CBL: variants seen among roughly 807,000 people sequenced by gnomAD.
CBL encodes the protein Cbl proto-oncogene.
In CBL, 45 loss-of-function variants were observed where a neutral mutation model predicts 96.9. That is an observed-to-expected ratio of 0.46 (90% CI 0.37 to 0.60). CBL has a LOEUF of 0.60. Ranked by LOEUF, CBL falls within the 20% of genes least tolerant of loss-of-function variation. CBL has a pLI of 0.00. For synonymous variants in CBL, 420 were observed against 426.8 expected (o/e 0.98, Z 0.20); for missense variants, 1,024 against 1,143.5 (o/e 0.90, Z 1.51).
chr11:119,221,469 A>G (rs980114515), intron 1 of CBL, among the ~76,000 whole-genome samples: 4 of 151,870 alleles, frequency 2.6e-5, no homozygotes, highest in Non-Finnish European at 5.9e-5. Flanking sequence ...GTTTTCGTTT[A>G]AAAAAGCTTC....
At chr11:119,284,066 C>G (rs1459247841) in intron 9 of CBL, among the ~76,000 whole-genome samples, 2 of 152,082 alleles carry the variant, frequency 1.3e-5, no homozygotes, top group South Asian at 2.1e-4. Context: ...AGAGGGATCT[C>G]ACTATGTTGA....
At chr11:119,220,121 G>A (rs148920736) in intron 1 of CBL, among the ~76,000 whole-genome samples, 7,364 of 152,120 alleles carry the variant, frequency 0.048, 592 homozygotes, top group African/African-American at 0.17. Flanking sequence ...CTCCCAAAGC[G>A]TAGGGATTAC....
rs1342253273 is a variant in CBL, at chr11:119,302,575, T to G, written c.*2794T>G. On this transcript the variant is annotated 3_prime_UTR_variant, in exon 16 of 16. Coordinates refer to ENST00000264033, the MANE Select transcript of CBL (RefSeq NM_005188.4). ...CTACTTTGTTCTCTTTTTCTCATAT[T>G]CATTGGGCTGTTGTATTCAGCCAGT... 1.7e-5 allele frequency: 4 copies of G among 232,118 alleles called. No individual in the cohort carries two copies. Among genetic ancestry groups the G allele is most frequent in the Non-Finnish European group, 1.7e-5 (2 of 117,438 alleles). 14.4% of individuals were successfully genotyped at this position (232,118 alleles called of 1,614,324 possible).
At chr11:119,248,989 T>C (rs1488527731) in intron 2 of CBL, among the ~76,000 whole-genome samples, 2 of 152,062 alleles carry the variant, frequency 1.3e-5, no homozygotes, top group African/African-American at 4.8e-5. Flanking sequence ...CATGCATTGG[T>C]GATAGGAATA....
rs1357308168 is a variant in CBL, at chr11:119,206,466, T to C, written c.49T>C (p.Ser17Pro). 2 of 1,575,840 alleles carry C rather than the reference T, an allele frequency of 1.3e-6. No homozygotes were observed. The highest frequency in any genetic ancestry group is 1.4e-5 in the African/African-American group (1 of 73,664). Residue 17 changes from serine (S) to proline (P), a missense_variant, in exon 1 of 16, where the codon TCC (serine) becomes CCC (proline). Transcript: ENST00000264033. Reference protein sequence around the residue: ...KSSGAGGGSGSGGSGSGGLIG... With the variant: ...KSSGAGGGSGPGGSGSGGLIG... ...CTCTGGGGCCGGGGGCGGCAGCGGC[T>C]CCGGGGGCTCGGGTTCGGGTGGCCT...
intron 1 of CBL, among the ~76,000 whole-genome samples, chr11:119,226,029 T>C (rs1190986553): frequency 2.0e-5 from 3 of 152,166 alleles, no homozygotes; most frequent in Admixed American, 2.0e-4. Flanking sequence ...GCATCTGGCC[T>C]AAATATTTTC....
At chr11:119,275,600 A>G (rs1592399427) in intron 5 of CBL, among the ~76,000 whole-genome samples, 1 of 152,234 alleles carries the variant, frequency 6.6e-6, no homozygotes, top group African/African-American at 2.4e-5. Flanking sequence ...GTGGTGGCTC[A>G]CACCTGTAAT....
At chr11:119,252,579 G>GCACTGGCCCA (rs1387401149) in intron 2 of CBL, among the ~76,000 whole-genome samples, 1 of 152,164 alleles carries the variant, frequency 6.6e-6, no homozygotes, top group Non-Finnish European at 1.5e-5. Context: ...ATTGAGGCCA[G>GCACTGGCCCA]GTGCGGTGGC....
At chr11:119,264,776 C>A (rs1000052239) in intron 2 of CBL, among the ~76,000 whole-genome samples, 13 of 152,202 alleles carry the variant, frequency 8.5e-5, no homozygotes, top group African/African-American at 3.1e-4. Context: ...AGGCACCATG[C>A]CCAACCTATA....
intron 11 of CBL, among the ~76,000 whole-genome samples, chr11:119,287,211 TTGTTAAG>T (rs1210144237): frequency 1.3e-5 from 2 of 152,214 alleles, no homozygotes; most frequent in East Asian, 3.8e-4. Context: ...AAATAAAGAC[TTGTTAAG>T]GCTTGAAAAG....
chr11:119,251,359 A>T (rs1949668613), intron 2 of CBL, among the ~76,000 whole-genome samples: 1 of 152,180 alleles, frequency 6.6e-6, no homozygotes, highest in Non-Finnish European at 1.5e-5. Flanking sequence ...GAAACACACA[A>T]TGGTTCAACC....
rs115291226 is a variant in CBL, at chr11:119,207,127, C to G, written c.195+515C>G. Among the ~76,000 whole-genome samples the G allele has an allele frequency of 5.8e-3, 875 of 152,138 alleles. 8 individuals carry two copies. The highest frequency in any genetic ancestry group is 0.02 in the African/African-American group (819 of 41,474). Reference sequence around the variant, plus strand: ...GGACAGCTCTCAGGGAAGCTGTGCTCTGGGTGAGAGTATAGTCCTTTCTCA... The same window carrying G: ...GGACAGCTCTCAGGGAAGCTGTGCTGTGGGTGAGAGTATAGTCCTTTCTCA... On this transcript the variant is annotated intron_variant, in intron 1 of 15. Transcript: ENST00000264033.
intron 2 of CBL, among the ~76,000 whole-genome samples, chr11:119,251,371 A>C (rs1369828724): frequency 6.6e-6 from 1 of 152,156 alleles, no homozygotes; most frequent in African/African-American, 2.4e-5. Context: ...GGTTCAACCC[A>C]AAAAAAAGAT....
rs139102944 is a variant in CBL, at chr11:119,306,956, C to T, written c.*7175C>T. 4.5e-6 allele frequency: 1 copy of T among 224,024 alleles called. No homozygotes were observed. The highest frequency in any genetic ancestry group is 8.8e-6 in the Non-Finnish European group (1 of 113,172). 13.9% of individuals were successfully genotyped at this position (224,024 alleles called of 1,614,324 possible). A position where few individuals can be genotyped will look rare whatever the true frequency, so the allele number is the denominator to read the frequency against. ...TTAGCACACTGAAAAAAAAAAAAAG[C>T]CAAATGTTTTGTGCCTTTCTAAGGC... On this transcript the variant is annotated 3_prime_UTR_variant, in exon 16 of 16. Transcript: ENST00000264033.
At chr11:119,266,029 A>AAAAAAAG (rs1433923930) in intron 2 of CBL, among the ~76,000 whole-genome samples, 4 of 150,326 alleles carry the variant, frequency 2.7e-5, no homozygotes, top group Non-Finnish European at 5.9e-5. Context: ...AAAAAAAAAA[A>AAAAAAAG]AAAAAAGAAA....
At chr11:119,256,438 C>T (rs937766553) in intron 2 of CBL, among the ~76,000 whole-genome samples, 2 of 152,102 alleles carry the variant, frequency 1.3e-5, no homozygotes, top group Non-Finnish European at 2.9e-5. Flanking sequence ...ACCTTGGACT[C>T]CCAGAGTGCT....
intron 2 of CBL, among the ~76,000 whole-genome samples, chr11:119,239,844 C>T (rs1270815161): frequency 8.0e-5 from 12 of 150,384 alleles, no homozygotes; most frequent in African/African-American, 2.7e-4. Flanking sequence ...ATGTTTCATT[C>T]GTGGTTTTTC....
At chr11:119,228,606 CAA>C (rs1166589178) in intron 1 of CBL, among the ~76,000 whole-genome samples, 11 of 121,088 alleles carry the variant, frequency 9.1e-5, no homozygotes, top group Admixed American at 8.6e-5. Context: ...AACTCCATCT[CAA>C]AAAAAAAAAA....
At chr11:119,269,583 C>T (rs1002575648) in intron 2 of CBL, among the ~76,000 whole-genome samples, 11 of 151,812 alleles carry the variant, frequency 7.2e-5, no homozygotes, top group South Asian at 2.1e-4. Context: ...ATTTTATCCA[C>T]GAAAGACAAA....
Sources: gnomAD v4.1 joint callset for allele counts (sites outside exome capture counted in the v4.1 genomes callset) on GRCh38, gnomAD v4.1.1 for gene constraint, MANE v1.5 for transcripts, NCBI Gene and HGNC (gene_info 2026-07-23, HGNC 2026-07-21) for gene names.